CTNNA2: variants seen among roughly 807,000 people sequenced by gnomAD.
CTNNA2 encodes the protein catenin alpha-2.
Under a neutral mutation model 101.0 loss-of-function variants are expected in CTNNA2, and 42 were observed. The observed-to-expected ratio is 0.42, with a 90% confidence interval of 0.32 to 0.54. The LOEUF (loss-of-function observed/expected upper bound fraction) is 0.54. CTNNA2 is among the 20% of genes least tolerant of loss of function. The pLI, the probability that CTNNA2 is intolerant of heterozygous loss-of-function variation, is 0.14. For missense variants in CTNNA2, 871 were observed against 1,223.1 expected (o/e 0.71, Z 4.29); for synonymous variants, 450 against 456.4 (o/e 0.99, Z 0.18).
At chr2:80,102,006 A>AT (rs886255196) in intron 7 of CTNNA2, among the ~76,000 whole-genome samples, 1 of 152,048 alleles carries the variant, frequency 6.6e-6, no homozygotes, top group Admixed American at 6.6e-5. Flanking sequence ...GTTAATTTTA[A>AT]TTTTTTTGTG....
At chr2:79,780,068 C>G (rs1305519233) in intron 3 of CTNNA2, among the ~76,000 whole-genome samples, 1 of 152,142 alleles carries the variant, frequency 6.6e-6, no homozygotes, top group East Asian at 1.9e-4. Context: ...TATGGTAACC[C>G]AGACAGTCCT....
intron 2 of CTNNA2, among the ~76,000 whole-genome samples, chr2:79,259,962 T>C (rs894512745): frequency 1.3e-5 from 2 of 152,168 alleles, no homozygotes; most frequent in Non-Finnish European, 2.9e-5. Context: ...TTTTCCAAAA[T>C]GAGAAAGTAA....
At chr2:80,345,112 G>GA (rs779738091) in intron 7 of CTNNA2, among the ~76,000 whole-genome samples, 33 of 152,276 alleles carry the variant, frequency 2.2e-4, no homozygotes, top group South Asian at 2.1e-4. Context: ...GTGATCCTTA[G>GA]AAAATCTAAC....
chr2:80,339,945 C>A (rs183201141), intron 7 of CTNNA2, among the ~76,000 whole-genome samples: 1 of 152,264 alleles, frequency 6.6e-6, no homozygotes, highest in African/African-American at 2.4e-5. Context: ...CTAAGAATGA[C>A]GCCTTTACAT....
intron 7 of CTNNA2, among the ~76,000 whole-genome samples, chr2:80,072,862 A>G (rs1179496990): frequency 6.6e-6 from 1 of 152,190 alleles, no homozygotes; most frequent in Non-Finnish European, 1.5e-5. Flanking sequence ...AACGAGGGGA[A>G]AACGAGGGAT....
intron 7 of CTNNA2, chr2:80,162,565 A>G: frequency 1.2e-6 from 2 of 1,609,394 alleles, no homozygotes; most frequent in Non-Finnish European, 1.7e-6. Context: ...TTTCCTCTGT[A>G]ATGATGGTCA....
chr2:79,542,444 G>A (rs1673483304), intron 1 of CTNNA2, among the ~76,000 whole-genome samples: 1 of 152,096 alleles, frequency 6.6e-6, no homozygotes, highest in Non-Finnish European at 1.5e-5. Flanking sequence ...TGATTTCAAA[G>A]CATTGAAATT....
At chr2:79,190,089 A>C (rs1004711652) in intron 1 of CTNNA2, among the ~76,000 whole-genome samples, 1 of 152,132 alleles carries the variant, frequency 6.6e-6, no homozygotes, top group African/African-American at 2.4e-5. Flanking sequence ...ATTTAGTTCA[A>C]AATGTTCCTA....
chr2:80,548,469 T>TC (rs1692284599), intron 11 of CTNNA2, among the ~76,000 whole-genome samples: 2 of 152,084 alleles, frequency 1.3e-5, no homozygotes, highest in African/African-American at 2.4e-5. Context: ...CTAATTTTCC[T>TC]CCCCCGAGCC....
At chr2:79,692,514 T>G (rs1028363925) in intron 2 of CTNNA2, among the ~76,000 whole-genome samples, 3 of 152,036 alleles carry the variant, frequency 2.0e-5, no homozygotes, top group African/African-American at 2.4e-5. Context: ...GCAATCCCAT[T>G]ACTGGGATTG....
chr2:79,742,022 A>G (rs1224923409), intron 2 of CTNNA2, among the ~76,000 whole-genome samples: 1 of 152,058 alleles, frequency 6.6e-6, no homozygotes, highest in Non-Finnish European at 1.5e-5. Flanking sequence ...GAGAGCTTTT[A>G]CTAAATGAGG....
At chr2:79,210,823 C>T (rs1674161997) in intron 2 of CTNNA2, among the ~76,000 whole-genome samples, 1 of 152,082 alleles carries the variant, frequency 6.6e-6, no homozygotes, top group Non-Finnish European at 1.5e-5. Context: ...TCCGATGTGT[C>T]CCCCAATCCC....
intron 1 of CTNNA2, among the ~76,000 whole-genome samples, chr2:79,551,624 A>G (rs1674105615): frequency 6.6e-6 from 1 of 152,202 alleles, no homozygotes; most frequent in South Asian, 2.1e-4. Flanking sequence ...ATTGCTATAA[A>G]GAATTACCTG....
chr2:79,874,808 C>A (rs940215479), intron 6 of CTNNA2, among the ~76,000 whole-genome samples: 1 of 152,124 alleles, frequency 6.6e-6, no homozygotes, highest in East Asian at 1.9e-4. Flanking sequence ...AACTCCGTCT[C>A]GGGGAAAAAA....
At chr2:80,325,460 T>C (rs1273588186) in intron 7 of CTNNA2, among the ~76,000 whole-genome samples, 1 of 152,324 alleles carries the variant, frequency 6.6e-6, no homozygotes, top group Non-Finnish European at 1.5e-5. Flanking sequence ...CATTCTAAAG[T>C]AGAGGTAAAT....
chr2:80,049,817 C>G (rs1696754687), intron 7 of CTNNA2, among the ~76,000 whole-genome samples: 1 of 152,132 alleles, frequency 6.6e-6, no homozygotes, highest in South Asian at 2.1e-4. Context: ...TGAAATTGCT[C>G]TTTTTGAATT....
intron 7 of CTNNA2, 42 bp downstream of exon 7, chr2:79,909,839 G>T: frequency 1.3e-6 from 2 of 1,543,102 alleles, no homozygotes; most frequent in Non-Finnish European, 1.8e-6. Flanking sequence ...GGTGGATTCT[G>T]TTCTGCAATC....
chr2:79,996,974 G>T (rs527821260), intron 7 of CTNNA2, among the ~76,000 whole-genome samples: 1 of 152,074 alleles, frequency 6.6e-6, no homozygotes, highest in Non-Finnish European at 1.5e-5. Flanking sequence ...GTGCCCTAGC[G>T]GATGGGAAAG....
At chr2:80,490,607 TC>T (rs1474576502) in intron 9 of CTNNA2, among the ~76,000 whole-genome samples, 1 of 152,142 alleles carries the variant, frequency 6.6e-6, no homozygotes, top group African/African-American at 2.4e-5. Flanking sequence ...TTTGCTGAGC[TC>T]AGTTTTAGAT....
Sources: allele counts gnomAD v4.1 joint callset (sites outside exome capture counted in the v4.1 genomes callset), GRCh38; gene constraint gnomAD v4.1.1; transcripts MANE v1.5; gene names NCBI Gene and HGNC (gene_info 2026-07-23, HGNC 2026-07-21).